The following AGMO variants were observed in gnomAD, a reference collection of about 807,000 sequenced individuals.
AGMO encodes alkylglycerol monooxygenase.
In AGMO, 75 loss-of-function variants were observed where a neutral mutation model predicts 60.2. That is an observed-to-expected ratio of 1.25 (90% confidence interval 1.03 to 1.51). The LOEUF (loss-of-function observed/expected upper bound fraction) is 1.51. Ranked by LOEUF, AGMO falls within the 40% of genes most tolerant of loss-of-function variation. AGMO has a pLI of 0.00. For missense variants in AGMO, 763 were observed against 525.5 expected, an observed-to-expected ratio of 1.45 and a Z score of -4.42; for synonymous variants, 261 against 177.1, an observed-to-expected ratio of 1.47 and a Z score of -3.76.
At chr7:15,273,513 T>G (rs1296568305) in intron 12 of AGMO, among the ~76,000 whole-genome samples, 2 of 152,220 alleles carry the variant, frequency 1.3e-5, no homozygotes, top group African/African-American at 2.4e-5. Flanking sequence ...CATGCTGTTT[T>G]GGTTACTGTA....
rs1469495222 is a variant in AGMO at position 15,471,901 on chromosome 7, T to C, written c.410-40793A>G. ...GAGGAGGAAAGAAACAATTCAGATT[T>C]CACTCTTGGAAGTCTTAGAAGTATA... On this transcript the variant is annotated intron_variant, in intron 3 of 12. Coordinates refer to ENST00000342526, the MANE Select transcript of AGMO (RefSeq NM_001004320.2). 2.6e-5 allele frequency among the ~76,000 whole-genome samples: 4 copies of C among 151,860 alleles called. No homozygotes were observed. The East Asian group carries it at 5.8e-4, about 22-fold the overall frequency.
intron 2 of AGMO, 64 bp downstream of exon 2, chr7:15,560,077 C>T: frequency 7.1e-7 from 1 of 1,405,532 alleles, no homozygotes; most frequent in South Asian, 1.8e-5. Flanking sequence ...CATTGGGTTC[C>T]TTTGCCCCTC....
At chr7:15,191,432 G>A in the AGMO span, among the ~76,000 whole-genome samples, 4 of 152,094 alleles carry the variant, frequency 2.6e-5, no homozygotes, top group African/African-American at 7.2e-5. Context: ...GTCTAAGATG[G>A]GCCTTGGGAG....
At chr7:15,308,005 A>G (rs963798437) in intron 12 of AGMO, among the ~76,000 whole-genome samples, 2 of 152,002 alleles carry the variant, frequency 1.3e-5, no homozygotes, top group African/African-American at 4.8e-5. Context: ...CTTTCTAAAT[A>G]CCTGGAATTT....
At chr7:15,397,053 C>T (rs73284441) in intron 5 of AGMO, among the ~76,000 whole-genome samples, 2,087 of 152,234 alleles carry the variant, frequency 0.014, 33 homozygotes, top group African/African-American at 0.046. Flanking sequence ...AAGTCACCAC[C>T]GGTCCCAGAA....
intron 3 of AGMO, among the ~76,000 whole-genome samples, chr7:15,463,514 A>T (rs999118935): frequency 1.3e-5 from 2 of 152,212 alleles, no homozygotes; most frequent in Admixed American, 6.5e-5. Flanking sequence ...TGTCCTTAAG[A>T]TTCTACAGTT....
intron 12 of AGMO, among the ~76,000 whole-genome samples, chr7:15,235,790 T>C (rs1310658200): frequency 6.6e-6 from 1 of 152,110 alleles, no homozygotes; most frequent in Non-Finnish European, 1.5e-5. Context: ...AAGGAAGCAA[T>C]TCACTTTGGA....
rs191000114 is a variant in AGMO at position 15,398,303 on chromosome 7, G to A, written c.610-4124C>T. 1.0e-3 allele frequency among the ~76,000 whole-genome samples: 158 copies of A among 152,164 alleles called. 1 individual carries two copies. The highest frequency in any genetic ancestry group is 1.5e-3 in the Non-Finnish European group (103 of 68,008). On this transcript the variant is annotated intron_variant, in intron 5 of 12. Coordinates refer to ENST00000342526, the MANE Select transcript of AGMO (RefSeq NM_001004320.2). Reference sequence around the variant, plus strand: ...TTTTTAATGTCAAGCTCTTTATTGCGGTGAAAATCTTTTGCTCCTGCAGGC... The same window carrying A: ...TTTTTAATGTCAAGCTCTTTATTGCAGTGAAAATCTTTTGCTCCTGCAGGC...
intron 12 of AGMO, among the ~76,000 whole-genome samples, chr7:15,274,202 G>GT (rs944167972): frequency 3.9e-5 from 6 of 152,134 alleles, no homozygotes; most frequent in Admixed American, 2.0e-4. Flanking sequence ...TCTTGTGCCA[G>GT]TTTTCAAAGG....
intron 3 of AGMO, among the ~76,000 whole-genome samples, chr7:15,496,136 T>C (rs944092319): frequency 6.6e-6 from 1 of 152,092 alleles, no homozygotes; most frequent in African/African-American, 2.4e-5. Context: ...GCAAACAGCA[T>C]CACCCCTCTC....
intron 10 of AGMO, among the ~76,000 whole-genome samples, chr7:15,378,331 C>T (rs1182547010): frequency 6.6e-6 from 1 of 152,004 alleles, no homozygotes; most frequent in Non-Finnish European, 1.5e-5. Context: ...ATATGGACAA[C>T]ACCAATCATT....
At position 15,430,603 on chromosome 7, in the gene AGMO, TA is replaced by T. The variant is rs397890114; in HGVS notation, c.513+401del. On this transcript the variant is annotated intron_variant, in intron 4 of 12. Transcript: ENST00000342526. Reference sequence around the variant, plus strand: ...ATTTTAGAGAATTAGTTGTTTTTTTTAAAAAAAAAAAACAACTGGTTTTTTT... The same window carrying T: ...ATTTTAGAGAATTAGTTGTTTTTTTTAAAAAAAAAAACAACTGGTTTTTTT... Among the ~76,000 whole-genome samples the T allele has an allele frequency of 3.7e-3, 475 of 128,116 alleles. 5 individuals carry two copies. The highest frequency in any genetic ancestry group is 0.012 in the African/African-American group (410 of 35,030). The allele number at this position is 128,116 out of a possible 152,430, so 84.0% of individuals were successfully genotyped here.
intron 3 of AGMO, among the ~76,000 whole-genome samples, chr7:15,539,709 C>T (rs1044387665): frequency 1.3e-5 from 2 of 152,062 alleles, no homozygotes; most frequent in African/African-American, 4.8e-5. Flanking sequence ...GAGGAATTGC[C>T]AAATTGCTTT....
At chr7:15,430,854 G>T in intron 4 of AGMO, 151 bp downstream of exon 4, 1 of 496,078 alleles carries the variant, frequency 2.0e-6, no homozygotes, top group Non-Finnish European at 3.5e-6. Flanking sequence ...AGAAGGAAAA[G>T]AAAGATTTTA....
intron 12 of AGMO, among the ~76,000 whole-genome samples, chr7:15,268,616 T>G (rs923878915): frequency 6.6e-6 from 1 of 151,986 alleles, no homozygotes; most frequent in Non-Finnish European, 1.5e-5. Context: ...GTGGATACAT[T>G]GAGTGTGGAA....
At chr7:15,400,492 G>C (rs971823188) in intron 5 of AGMO, among the ~76,000 whole-genome samples, 1 of 152,136 alleles carries the variant, frequency 6.6e-6, no homozygotes, top group African/African-American at 2.4e-5. Context: ...CCGTGCTCTA[G>C]ACCTTTACTG....
chr7:15,468,758 T>C (rs1782362151), intron 3 of AGMO, among the ~76,000 whole-genome samples: 3 of 152,094 alleles, frequency 2.0e-5, no homozygotes, highest in African/African-American at 7.2e-5. Context: ...GAGGTTATGT[T>C]TGACTTGCTT....
intron 3 of AGMO, among the ~76,000 whole-genome samples, chr7:15,500,300 A>C (rs369475053): frequency 6.6e-5 from 10 of 152,060 alleles, no homozygotes; most frequent in African/African-American, 2.4e-4. Context: ...AAAAAGAGCC[A>C]CAAGGAGTTT....
chr7:15,350,351 G>A (rs1041236996), intron 12 of AGMO, among the ~76,000 whole-genome samples: 4 of 152,060 alleles, frequency 2.6e-5, no homozygotes, highest in African/African-American at 7.2e-5. Flanking sequence ...AGCATAAATT[G>A]TATAAAAAAT....
Sources: allele counts gnomAD v4.1 joint callset (sites outside exome capture counted in the v4.1 genomes callset), GRCh38; gene constraint gnomAD v4.1.1; transcripts MANE v1.5; gene names NCBI Gene and HGNC (gene_info 2026-07-23, HGNC 2026-07-21).